ACAP2: variants seen among roughly 807,000 people sequenced by gnomAD.
ACAP2 encodes the protein ArfGAP with coiled-coil, ankyrin repeat and PH domains 2.
ACAP2 carries 39 observed loss-of-function variants against 115.8 expected under a neutral mutation model. That is an observed-to-expected ratio of 0.34 (90% CI 0.26 to 0.44). The LOEUF (loss-of-function observed/expected upper bound fraction) is 0.44, where lower values mean the gene tolerates loss of function less well. Among genes scored for constraint, ACAP2 ranks in the 20% least tolerant of loss-of-function variants. The pLI, the probability that ACAP2 is intolerant of heterozygous loss-of-function variation, is 1.00. For missense variants in ACAP2, 662 were observed against 927.6 expected (o/e 0.71, Z 3.72); for synonymous variants, 289 against 315.8 (o/e 0.92, Z 0.90).
intron 1 of ACAP2, among the ~76,000 whole-genome samples, chr3:195,404,154 A>AACAT (rs1393921045): frequency 6.6e-6 from 1 of 152,124 alleles, no homozygotes; most frequent in Non-Finnish European, 1.5e-5. Context: ...CAGCCTAGGC[A>AACAT]ACATACATAC....
chr3:195,295,530 T>A (rs1727585181), intron 17 of ACAP2, 178 bp downstream of exon 17: 1 of 703,318 alleles, frequency 1.4e-6, no homozygotes, highest in East Asian at 2.8e-5. Flanking sequence ...TGAAATATTA[T>A]GGCATTGTTT....
At chr3:195,315,288 T>C (rs1051656856) in intron 10 of ACAP2, among the ~76,000 whole-genome samples, 1 of 152,232 alleles carries the variant, frequency 6.6e-6, no homozygotes. Flanking sequence ...CCCAAACTGC[T>C]GGGATTAGAG....
chr3:195,430,536 G>A (rs1369614923), intron 1 of ACAP2, among the ~76,000 whole-genome samples: 2 of 152,058 alleles, frequency 1.3e-5, no homozygotes, highest in East Asian at 1.9e-4. Context: ...CCAACATGGC[G>A]AAACCTCATC....
In ACAP2 at chr3:195,341,514, C is replaced by T. The variant is rs112583447; in HGVS notation, c.528+957G>A. On this transcript the variant is annotated intron_variant, in intron 6 of 22. Transcript: ENST00000326793. ...TAATTTTTTGTATTTTTAGTAGAGA[C>T]GGGGTTTCGCCGTGTTAGCCAGGAT... Among the ~76,000 whole-genome samples, 135 of 151,780 alleles carry T rather than the reference C, an allele frequency of 8.9e-4. 1 individual carries two copies. Among genetic ancestry groups the T allele is most frequent in the African/African-American group, 2.8e-3 (114 of 41,418 alleles).
At chr3:195,360,567 G>A (rs372682608) in intron 4 of ACAP2, among the ~76,000 whole-genome samples, 14 of 152,146 alleles carry the variant, frequency 9.2e-5, no homozygotes, top group South Asian at 2.1e-4. Context: ...AGGCCAAGGC[G>A]GGCGATCACC....
chr3:195,328,239 G>A lies in ACAP2; in HGVS notation c.670-1280C>T, dbSNP rs542181804. Among the ~76,000 whole-genome samples the A allele has an allele frequency of 2.0e-4, 31 of 152,008 alleles. No individual in the cohort carries two copies. In the South Asian group the frequency reaches 6.2e-3, roughly 31 times the overall value. On this transcript the variant is annotated intron_variant, in intron 8 of 22. Coordinates refer to ENST00000326793, the MANE Select transcript of ACAP2 (RefSeq NM_012287.6). ...TTAAAACATACATATCAGATCAGCA[G>A]GAATATGGAGAAAGATAAGCATTAA...
At chr3:195,353,717 T>C (rs529122292) in intron 4 of ACAP2, among the ~76,000 whole-genome samples, 10 of 150,364 alleles carry the variant, frequency 6.7e-5, no homozygotes, top group African/African-American at 2.2e-4. Context: ...AGTTATCAAA[T>C]TGTATGCTGT....
At chr3:195,299,443 T>A (rs1727879745) in intron 15 of ACAP2, among the ~76,000 whole-genome samples, 1 of 149,448 alleles carries the variant, frequency 6.7e-6, no homozygotes, top group Non-Finnish European at 1.5e-5. Flanking sequence ...CTTGGGAGGC[T>A]GAGGCACAAG....
intron 17 of ACAP2, chr3:195,295,407 T>C: frequency 8.9e-6 from 5 of 560,474 alleles, no homozygotes; most frequent in South Asian, 1.8e-5. Flanking sequence ...AGGAAGGAAA[T>C]CAGGTAGTTA....
chr3:195,365,748 G>A (rs1011818411), intron 4 of ACAP2, among the ~76,000 whole-genome samples: 9 of 152,016 alleles, frequency 5.9e-5, no homozygotes, highest in African/African-American at 1.7e-4. Flanking sequence ...AATCAATGAA[G>A]AGAAAGAGAA....
At chr3:195,390,039 AC>A (rs1734560616) in intron 2 of ACAP2, among the ~76,000 whole-genome samples, 1 of 152,188 alleles carries the variant, frequency 6.6e-6, no homozygotes. Flanking sequence ...CTACTAAAAT[AC>A]AAAAACTTAG....
intron 4 of ACAP2, among the ~76,000 whole-genome samples, chr3:195,380,548 A>T (rs781770449): frequency 9.2e-5 from 14 of 152,204 alleles, no homozygotes; most frequent in Non-Finnish European, 1.8e-4. Flanking sequence ...AATGCCCACA[A>T]ATCTTAAACA....
intron 1 of ACAP2, chr3:195,410,977 G>A (rs1030463354): frequency 4.9e-5 from 19 of 389,450 alleles, no homozygotes; most frequent in Non-Finnish European, 8.3e-5. Context: ...CTAATCTGCT[G>A]GCATCTTTAT....
At chr3:195,419,381 T>A (rs7653179) in intron 1 of ACAP2, 9,654 of 152,194 alleles carry the variant, frequency 0.063, 585 homozygotes, top group African/African-American at 0.15. Flanking sequence ...GTTATTTCAC[T>A]TTTTTTCAAA....
intron 1 of ACAP2, among the ~76,000 whole-genome samples, chr3:195,401,772 C>T (rs138374832): frequency 1.3e-4 from 20 of 152,222 alleles, no homozygotes; most frequent in African/African-American, 3.1e-4. Context: ...GGGGAGAAAA[C>T]TTAGTAAACT....
intron 1 of ACAP2, among the ~76,000 whole-genome samples, chr3:195,398,409 C>G (rs1711984402): frequency 6.6e-6 from 1 of 152,090 alleles, no homozygotes; most frequent in Non-Finnish European, 1.5e-5. Flanking sequence ...CTTTGGGAGG[C>G]CAAGGCAGGT....
chr3:195,409,184 G>C (rs2108806805), intron 1 of ACAP2, among the ~76,000 whole-genome samples: 1 of 152,006 alleles, frequency 6.6e-6, no homozygotes, highest in Admixed American at 6.6e-5. Context: ...TATTTTGTAT[G>C]TAGAAAACCC....
intron 15 of ACAP2, among the ~76,000 whole-genome samples, chr3:195,301,308 G>A (rs1197814908): frequency 6.6e-5 from 10 of 152,090 alleles, no homozygotes; most frequent in East Asian, 3.9e-4. Context: ...GGATGGTCTC[G>A]ATCTCCTGAC....
At chr3:195,300,044 C>CTTTTTTTTTTTTTTTTTTTTTTTTT (rs765234326) in intron 15 of ACAP2, among the ~76,000 whole-genome samples, 16 of 34,356 alleles carry the variant, frequency 4.7e-4, no homozygotes, top group Non-Finnish European at 5.6e-4. Flanking sequence ...CTTTTTTTTT[C>CTTTTTTTTTTTTTTTTTTTTTTTTT]TTTTTTTTTT....
Sources: allele counts gnomAD v4.1 joint callset (sites outside exome capture counted in the v4.1 genomes callset), GRCh38; gene constraint gnomAD v4.1.1; transcripts MANE v1.5; gene names NCBI Gene and HGNC (gene_info 2026-07-23, HGNC 2026-07-21).